Variants in CFAP77 observed in about 807,000 individuals in gnomAD.
CFAP77 encodes cilia- and flagella-associated protein 77.
In CFAP77, 25 loss-of-function variants were observed where a neutral mutation model predicts 31.1. The ratio of observed to expected loss-of-function variants is 0.80; its 90% CI spans 0.59 to 1.12. The LOEUF is 1.12. CFAP77 is among the 50% of genes most tolerant of loss of function. The probability of loss-of-function intolerance (pLI) is 0.00; values close to 1 mark genes in which losing one functional copy is unlikely to be tolerated. For missense variants in CFAP77, 377 were observed against 397.3 expected, an observed-to-expected ratio of 0.95 and a Z score of 0.44; for synonymous variants, 151 against 159.9, an observed-to-expected ratio of 0.94 and a Z score of 0.42.
chr9:132,486,293 C>T (rs910564695), intron 1 of CFAP77, among the ~76,000 whole-genome samples: 19 of 150,672 alleles, frequency 1.3e-4, no homozygotes, highest in African/African-American at 4.4e-4. Flanking sequence ...GGCGTTTCAC[C>T]GTGTTGGCCA....
intron 1 of CFAP77, among the ~76,000 whole-genome samples, chr9:132,465,073 C>CAAAAAAAAAAAAAAAAAAAAAAA (rs773917029): frequency 1.2e-5 from 1 of 82,848 alleles, no homozygotes; most frequent in Non-Finnish European, 2.6e-5. Flanking sequence ...GACTCTGTCT[C>CAAAAAAAAAAAAAAAAAAAAAAA]AAAAAAAAAA....
intron 3 of CFAP77, chr9:132,513,517 C>G: frequency 1.3e-6 from 1 of 748,438 alleles, no homozygotes; most frequent in Non-Finnish European, 2.1e-6. Flanking sequence ...CAGTTTTGCT[C>G]TGTCGTTAGC....
intron 1 of CFAP77, among the ~76,000 whole-genome samples, chr9:132,414,057 C>T (rs576769375): frequency 6.6e-6 from 1 of 152,336 alleles, no homozygotes; most frequent in Non-Finnish European, 1.5e-5. Context: ...TGGGATGAGA[C>T]TAAGGTCTCC....
chr9:132,459,799 C>T lies in CFAP77; in HGVS notation c.196-38896C>T, dbSNP rs552850194. ...GTGAGAGCGTGTGTGTATGTGAGAG[C>T]GATGTGTGTATGTGTGTGTATGAGT... On this transcript the variant is annotated intron_variant, in intron 1 of 5. Coordinates refer to ENST00000393216, the MANE Select transcript of CFAP77 (RefSeq NM_001282957.2). Among the ~76,000 whole-genome samples the T allele has an allele frequency of 4.1e-4, 60 of 145,426 alleles. No individual in the cohort carries two copies. The South Asian group carries it at 9.8e-3, about 24-fold the overall frequency.
intron 1 of CFAP77, among the ~76,000 whole-genome samples, chr9:132,423,878 C>T (rs1359809809): frequency 6.6e-6 from 1 of 152,192 alleles, no homozygotes; most frequent in African/African-American, 2.4e-5. Context: ...CTGCCCGTTA[C>T]CCTGGGAGAC....
At chr9:132,441,334 A>G (rs1007561884) in intron 1 of CFAP77, among the ~76,000 whole-genome samples, 3 of 152,196 alleles carry the variant, frequency 2.0e-5, no homozygotes, top group African/African-American at 7.2e-5. Flanking sequence ...TGCAAGGTTC[A>G]GGGAAATTGT....
rs1829987195 is a variant in CFAP77 at position 132,573,203 on chromosome 9, G to A, written c.*693G>A. 1 of 152,232 alleles carries A rather than the reference G, an allele frequency of 6.6e-6. No homozygotes were observed. The highest frequency in any genetic ancestry group is 2.1e-4 in the South Asian group (1 of 4,830). 9.4% of individuals were successfully genotyped at this position (152,232 alleles called of 1,614,324 possible). ...TAGACTGCTGAACACAGGCTGCTGA[G>A]CTTCTCAGCCGAATTCCTGGACACT... On this transcript the variant is annotated 3_prime_UTR_variant, in exon 6 of 6. Transcript: ENST00000393216.
intron 3 of CFAP77, among the ~76,000 whole-genome samples, chr9:132,515,989 C>T (rs1280813636): frequency 2.6e-5 from 4 of 152,156 alleles, no homozygotes; most frequent in African/African-American, 9.7e-5. Context: ...AATTCATGAG[C>T]CTGCAGAGGC....
intron 4 of CFAP77, among the ~76,000 whole-genome samples, chr9:132,538,948 G>A (rs1032589126): frequency 2.0e-5 from 3 of 151,496 alleles, no homozygotes; most frequent in African/African-American, 4.9e-5. Context: ...TTAGCTGGGC[G>A]TGGTGGCATG....
At position 132,490,604 on chromosome 9, in the gene CFAP77, C is replaced by T. The variant is rs950717658; in HGVS notation, c.196-8091C>T. The stretch of plus-strand genomic sequence containing the variant: ...GCGCTGGGCACTCCCACCTCTGGCT[C>T]CAGGCCGCTCCCTGCTCTAAGTCCC... On this transcript the variant is annotated intron_variant, in intron 1 of 5. Transcript: ENST00000393216. The surrounding 1 kb of genome is among the most constrained non-coding windows in gnomAD (Gnocchi z 4.6). 1.3e-5 allele frequency among the ~76,000 whole-genome samples: 2 copies of T among 152,182 alleles called. No individual in the cohort carries two copies. Among genetic ancestry groups the T allele is most frequent in the African/African-American group, 4.8e-5 (2 of 41,436 alleles).
chr9:132,417,302 A>C (rs1850122054), intron 1 of CFAP77, among the ~76,000 whole-genome samples: 1 of 151,892 alleles, frequency 6.6e-6, no homozygotes, highest in Non-Finnish European at 1.5e-5. Context: ...TTTAGTAGAA[A>C]CGGGCTTTCA....
chr9:132,503,138 G>A (rs1167590480), intron 3 of CFAP77, among the ~76,000 whole-genome samples: 2 of 152,118 alleles, frequency 1.3e-5, no homozygotes, highest in Non-Finnish European at 2.9e-5. Context: ...AAGTCACTTC[G>A]GGGCTGGATT....
At chr9:132,468,840 G>C (rs531807870) in intron 1 of CFAP77, among the ~76,000 whole-genome samples, 1 of 152,048 alleles carries the variant, frequency 6.6e-6, no homozygotes, top group Admixed American at 6.5e-5. Context: ...ATGTGGTCAA[G>C]TTTAACTCTC....
chr9:132,511,526 A>G lies in CFAP77; in HGVS notation c.524+11926A>G, dbSNP rs999170158. On this transcript the variant is annotated intron_variant, in intron 3 of 5. Coordinates refer to ENST00000393216, the MANE Select transcript of CFAP77 (RefSeq NM_001282957.2). The surrounding 1 kb of genome is among the most constrained non-coding windows in gnomAD (Gnocchi z 5.8). ...CCTGCCTGGAATGTTGTAGGTGCTC[A>G]GTAAACGCTTGTTGACTGACTGCGT... 1.3e-5 allele frequency among the ~76,000 whole-genome samples: 2 copies of G among 152,244 alleles called. No homozygotes were observed. The highest frequency in any genetic ancestry group is 2.4e-5 in the African/African-American group (1 of 41,468).
intron 3 of CFAP77, among the ~76,000 whole-genome samples, chr9:132,524,893 C>A (rs1852330668): frequency 1.3e-5 from 2 of 149,290 alleles, no homozygotes; most frequent in South Asian, 2.2e-4. Context: ...CATGATCCTC[C>A]CGCCTTGGCC....
chr9:132,523,385 G>A (rs747444924), intron 3 of CFAP77, among the ~76,000 whole-genome samples: 9 of 152,044 alleles, frequency 5.9e-5, no homozygotes, highest in Non-Finnish European at 8.8e-5. Context: ...CACTGCGCCC[G>A]ACCTTCCAGT....
intron 1 of CFAP77, among the ~76,000 whole-genome samples, chr9:132,429,532 C>G (rs1246561091): frequency 1.2e-5 from 1 of 81,564 alleles, no homozygotes; most frequent in Non-Finnish European, 2.1e-5. Flanking sequence ...AACGAGACTT[C>G]AACTCAAAAA....
At chr9:132,439,032 C>T (rs1187524235) in intron 1 of CFAP77, among the ~76,000 whole-genome samples, 1 of 151,912 alleles carries the variant, frequency 6.6e-6, no homozygotes, top group African/African-American at 2.4e-5. Flanking sequence ...CACACCACTA[C>T]ACCCAGCTAA....
intron 1 of CFAP77, among the ~76,000 whole-genome samples, chr9:132,417,704 G>T (rs1222563466): frequency 6.6e-6 from 1 of 152,218 alleles, no homozygotes; most frequent in Non-Finnish European, 1.5e-5. Context: ...TGCAGGCAGG[G>T]TCTGGCCCAG....
Sources: gnomAD v4.1 joint callset for allele counts (sites outside exome capture counted in the v4.1 genomes callset) on GRCh38, gnomAD v4.1.1 for gene constraint, Gnocchi (gnomAD v3.1) non-coding constraint, MANE v1.5 for transcripts, NCBI Gene and HGNC (gene_info 2026-07-23, HGNC 2026-07-21) for gene names.